The following CEP83 variants were observed in gnomAD, a reference collection of about 807,000 sequenced individuals.
CEP83 encodes centrosomal protein of 83 kDa.
Under a neutral mutation model 101.9 loss-of-function variants are expected in CEP83, and 70 were observed. That is an observed-to-expected ratio of 0.69 (90% CI 0.57 to 0.84). CEP83 has a LOEUF of 0.84. Ranked by LOEUF, CEP83 falls within the 40% of genes least tolerant of loss-of-function variation. The probability of loss-of-function intolerance (pLI) is 0.00; values close to 1 mark genes in which losing one functional copy is unlikely to be tolerated. For synonymous variants in CEP83, 264 were observed against 267.9 expected (o/e 0.99, Z 0.14); for missense variants, 715 against 787.2 (o/e 0.91, Z 1.10).
In CEP83 at chr12:94,314,221, T is replaced by C. The variant is rs201974666; in HGVS notation, c.1708-1204A>G. Among the ~76,000 whole-genome samples the C allele has an allele frequency of 8.5e-5, 13 of 152,322 alleles. No homozygotes were observed. In the East Asian group the frequency reaches 2.5e-3, roughly 29 times the overall value. ...ACCTTTTAGGTATTTTCTAACTCTT[T>C]TTTAACTGAAGTATAATCTTACAGC... On this transcript the variant is annotated intron_variant, in intron 14 of 16. Coordinates refer to ENST00000397809, the MANE Select transcript of CEP83 (RefSeq NM_016122.3).
the CEP83 span, among the ~76,000 whole-genome samples, chr12:94,278,482 T>C: frequency 6.6e-6 from 1 of 152,238 alleles, no homozygotes; most frequent in African/African-American, 2.4e-5. Context: ...AAGGCCTTAC[T>C]TCCCCCATTA....
At chr12:94,278,194 T>TCGTTAAG in the CEP83 span, 1 of 370,114 alleles carries the variant, frequency 2.7e-6, no homozygotes, top group South Asian at 2.0e-5. Context: ...TTACATTCCC[T>TCGTTAAG]CGTTAAGCCA....
intron 4 of CEP83, among the ~76,000 whole-genome samples, chr12:94,408,428 T>A (rs775554618): frequency 1.3e-5 from 2 of 152,186 alleles, no homozygotes; most frequent in Non-Finnish European, 2.9e-5. Context: ...ACAGTTTTCA[T>A]TAGCACAAAA....
At chr12:94,284,530 T>C in the CEP83 span, among the ~76,000 whole-genome samples, 1 of 152,144 alleles carries the variant, frequency 6.6e-6, no homozygotes, top group Non-Finnish European at 1.5e-5. Flanking sequence ...TCAGATGTCT[T>C]TCACTGTTAT....
At chr12:94,342,002 G>C (rs1034593606) in intron 11 of CEP83, among the ~76,000 whole-genome samples, 2 of 152,086 alleles carry the variant, frequency 1.3e-5, no homozygotes, top group Non-Finnish European at 2.9e-5. Context: ...GTCAAAGAGA[G>C]ATTTAAAAAC....
chr12:94,410,949 G>A (rs969385813), intron 4 of CEP83, among the ~76,000 whole-genome samples: 2 of 152,106 alleles, frequency 1.3e-5, no homozygotes, highest in South Asian at 4.1e-4. Flanking sequence ...TAGGTGACTT[G>A]AAAGATGCCT....
chr12:94,415,801 A>T (rs2064223207), intron 2 of CEP83, among the ~76,000 whole-genome samples: 1 of 152,170 alleles, frequency 6.6e-6, no homozygotes, highest in Admixed American at 6.5e-5. Flanking sequence ...AGATTTAAAA[A>T]AATAATCAGT....
At chr12:94,327,433 T>A (rs1053168676) in intron 14 of CEP83, among the ~76,000 whole-genome samples, 1 of 152,208 alleles carries the variant, frequency 6.6e-6, no homozygotes, top group Non-Finnish European at 1.5e-5. Context: ...TCTTCAGTGA[T>A]CTGCAAAATC....
chr12:94,308,722 G>C lies in CEP83; in HGVS notation c.*91C>G. 2.3e-6 allele frequency: 2 copies of C among 855,448 alleles called. No homozygotes were observed. The highest frequency in any genetic ancestry group is 3.9e-5 in the Admixed American group (2 of 51,246). The allele number at this position is 855,448 out of a possible 1,614,324, so 53.0% of individuals were successfully genotyped here. ...GCACATTCAAGTGTTTTGGCAAACA[G>C]TAAAAAGTATCTAAATGCCACAGGT... is the stretch of plus-strand genomic sequence containing the variant. On this transcript the variant is annotated 3_prime_UTR_variant, in exon 17 of 17. Transcript: ENST00000397809.
At chr12:94,295,786 G>T in the CEP83 span, among the ~76,000 whole-genome samples, 1 of 152,164 alleles carries the variant, frequency 6.6e-6, no homozygotes, top group Admixed American at 6.5e-5. Context: ...CACACAGCCT[G>T]CTCTCATTGG....
intron 6 of CEP83, 68 bp from the exon 7 acceptor site, chr12:94,379,110 C>G (rs992374840): frequency 1.5e-6 from 2 of 1,314,062 alleles, no homozygotes; most frequent in Admixed American, 2.4e-5. Context: ...ACATGCTTTA[C>G]AAGTCAGTAA....
chr12:94,340,003 TG>T (rs1565940833), intron 11 of CEP83, among the ~76,000 whole-genome samples: 1 of 152,204 alleles, frequency 6.6e-6, no homozygotes, highest in African/African-American at 2.4e-5. Context: ...CTTTTCAAGA[TG>T]GAGTCTAAGT....
At chr12:94,384,830 T>G (rs548312906) in intron 6 of CEP83, among the ~76,000 whole-genome samples, 1 of 152,330 alleles carries the variant, frequency 6.6e-6, no homozygotes, top group East Asian at 1.9e-4. Flanking sequence ...ATTGAATCAT[T>G]CTTACCATGG....
chr12:94,392,750 T>C (rs936892535), intron 6 of CEP83, among the ~76,000 whole-genome samples: 2 of 150,760 alleles, frequency 1.3e-5, no homozygotes, highest in African/African-American at 4.9e-5. Flanking sequence ...CTAGCAAGAC[T>C]AATAAAGAAT....
rs1244297100 is a variant in CEP83 at position 94,396,342 on chromosome 12, G to T, written c.549+4508C>A. Among the ~76,000 whole-genome samples, 5 of 139,966 alleles carry T rather than the reference G, an allele frequency of 3.6e-5. No homozygotes were observed. In the Admixed American group the frequency reaches 3.8e-4, roughly 11 times the overall value. 91.8% of individuals were successfully genotyped at this position (139,966 alleles called of 152,430 possible). A position where few individuals can be genotyped will look rare whatever the true frequency, so the allele number is the denominator to read the frequency against. ...CTCATTCTGTCACCCAGGCTGGAGT[G>T]CGGTGGCACAATCTTGGCTCACTGC... is the stretch of plus-strand genomic sequence containing the variant. On this transcript the variant is annotated intron_variant, in intron 6 of 16. Coordinates refer to ENST00000397809, the MANE Select transcript of CEP83 (RefSeq NM_016122.3).
At chr12:94,454,938 T>C (rs2067550946) in intron 1 of CEP83, among the ~76,000 whole-genome samples, 1 of 151,538 alleles carries the variant, frequency 6.6e-6, no homozygotes, top group Non-Finnish European at 1.5e-5. Flanking sequence ...ACTGCAAAAG[T>C]CTGCAGCCTC....
chr12:94,280,058 G>A, the CEP83 span: 2 of 344,736 alleles, frequency 5.8e-6, no homozygotes, highest in South Asian at 4.5e-5. Flanking sequence ...TCATTACTGG[G>A]TGGCTCAGAC....
intron 1 of CEP83, among the ~76,000 whole-genome samples, chr12:94,455,749 T>A (rs2067618560): frequency 6.6e-6 from 1 of 152,098 alleles, no homozygotes; most frequent in South Asian, 2.1e-4. Flanking sequence ...ATAGCTCAGT[T>A]AAAAGAAATA....
intron 1 of CEP83, among the ~76,000 whole-genome samples, chr12:94,446,392 T>G (rs990438396): frequency 6.6e-6 from 1 of 152,192 alleles, no homozygotes; most frequent in African/African-American, 2.4e-5. Flanking sequence ...TCACTTAAAG[T>G]CAGTTTCCAA....
Sources: allele counts gnomAD v4.1 joint callset (sites outside exome capture counted in the v4.1 genomes callset), GRCh38; gene constraint gnomAD v4.1.1; transcripts MANE v1.5; gene names NCBI Gene and HGNC (gene_info 2026-07-23, HGNC 2026-07-21).